Variants in LRRIQ4 observed in about 807,000 individuals in gnomAD.
LRRIQ4 encodes leucine rich repeats and IQ motif containing 4, also known as leucine-rich repeat and IQ domain-containing protein 4.
Under a neutral mutation model 40.1 loss-of-function variants are expected in LRRIQ4, and 21 were observed. The observed-to-expected ratio is 0.52, with a 90% CI of 0.37 to 0.75. The LOEUF (loss-of-function observed/expected upper bound fraction) is 0.75, where lower values mean the gene tolerates loss of function less well. Ranked by LOEUF, LRRIQ4 falls within the 30% of genes least tolerant of loss-of-function variation. The pLI, the probability that LRRIQ4 is intolerant of heterozygous loss-of-function variation, is 0.00. For missense variants in LRRIQ4, 655 were observed against 660.0 expected (o/e 0.99, Z 0.08); for synonymous variants, 277 against 277.1 (o/e 1.00, Z 0.00).
In LRRIQ4 at chr3:169,837,582, A is replaced by C; in HGVS notation, c.1634A>C (p.Lys545Thr). The C allele has an allele frequency of 2.5e-6, 4 of 1,594,300 alleles. No homozygotes were observed. Among genetic ancestry groups the C allele is most frequent in the Non-Finnish European group, 3.4e-6 (4 of 1,171,330 alleles). ...GGAAAGACCTCTCCAAAAGATAAGA[A>C]AGGAAAGAAGGATGTAAAAGGAAAA... ...KKGKTSPKDK[K>T]GKKDVKGKPG... Residue 545 changes from lysine (K) to threonine (T), a missense_variant, in exon 6 of 6, where the codon AAA becomes ACA. By Grantham distance (78) the Lys-to-Thr change is moderately conservative. Coordinates refer to ENST00000340806, the MANE Select transcript of LRRIQ4 (RefSeq NM_001080460.3).
At chr3:169,833,365 AT>A (rs1338236854) in intron 5 of LRRIQ4, among the ~76,000 whole-genome samples, 182 bp downstream of exon 5, 1 of 152,166 alleles carries the variant, frequency 6.6e-6, no homozygotes, top group Non-Finnish European at 1.5e-5. Context: ...CAGCCCTAGC[AT>A]TTTTGTCTTT....
At chr3:169,819,651 A>C (rs1779837939) in intron 1 of LRRIQ4, among the ~76,000 whole-genome samples, 2 of 152,238 alleles carry the variant, frequency 1.3e-5, no homozygotes, top group Non-Finnish European at 2.9e-5. Context: ...TGTTCTGAGA[A>C]GAGCCCTTTT....
chr3:169,822,999 A>C, intron 2 of LRRIQ4, 58 bp downstream of exon 2: 1 of 1,423,626 alleles, frequency 7.0e-7, no homozygotes, highest in South Asian at 1.6e-5. Context: ...TCCTGCCCTA[A>C]GTTGGTTCTG....
chr3:169,830,482 G>C lies in LRRIQ4; in HGVS notation c.1195-10G>C. The stretch of plus-strand genomic sequence containing the variant: ...AGGTATATTATTATGGTACACTCAT[G>C]TTATTTCAGAGTCTCAAAGAGCTAT... On this transcript the variant is annotated splice_polypyrimidine_tract_variant and intron_variant, in intron 3 of 5. Coordinates refer to ENST00000340806, the MANE Select transcript of LRRIQ4 (RefSeq NM_001080460.3). The C allele has an allele frequency of 6.7e-7, 1 of 1,493,214 alleles. No homozygotes were observed. Among genetic ancestry groups the C allele is most frequent in the Non-Finnish European group, 9.0e-7 (1 of 1,105,784 alleles). The allele number at this position is 1,493,214 out of a possible 1,614,324, so 92.5% of individuals were successfully genotyped here. A position where few individuals can be genotyped will look rare whatever the true frequency, so the allele number is the denominator to read the frequency against.
intron 1 of LRRIQ4, among the ~76,000 whole-genome samples, chr3:169,813,930 G>A (rs1009400361): frequency 7.9e-5 from 12 of 152,124 alleles, no homozygotes; most frequent in African/African-American, 2.7e-4. Flanking sequence ...GGGCACGTGG[G>A]CTCCGAACTC....
rs551199395 is a variant in LRRIQ4, at chr3:169,828,525, C to T, written c.1021-234C>T. Among the ~76,000 whole-genome samples, 5 of 152,302 alleles carry T rather than the reference C, an allele frequency of 3.3e-5. 1 individual carries two copies. The highest frequency in any genetic ancestry group is 9.6e-5 in the African/African-American group (4 of 41,574). ...CTGGGATTAAAGGCATAAACCACCG[C>T]GCCCAGCCACAAAAAATTGCTCCAG... On this transcript the variant is annotated intron_variant, in intron 2 of 5. Coordinates refer to ENST00000340806, the MANE Select transcript of LRRIQ4 (RefSeq NM_001080460.3).
chr3:169,830,377 G>GAAAAAAACAAAAAAAAAAAAAAAAA (rs1780136039), intron 3 of LRRIQ4, 115 bp from the exon 4 acceptor site: 1 of 103,278 alleles, frequency 9.7e-6, no homozygotes, highest in Non-Finnish European at 1.6e-5. Flanking sequence ...CACTGAAAGT[G>GAAAAAAACAAAAAAAAAAAAAAAAA]AAAAAAAAAA....
At chr3:169,819,165 G>T (rs553034584) in intron 1 of LRRIQ4, among the ~76,000 whole-genome samples, 1 of 152,092 alleles carries the variant, frequency 6.6e-6, no homozygotes, top group African/African-American at 2.4e-5. Flanking sequence ...AGAAAAAATG[G>T]CCAATAAAGA....
chr3:169,828,804 C>A lies in LRRIQ4; in HGVS notation c.1066C>A (p.Leu356Ile), dbSNP rs1780098600. The part of the protein sequence containing the change: ...GSLSKLKILG[L>I]TGNEFLSFPE... ...ACTTTCAAAACTGAAGATACTTGGA[C>A]TAACAGGAAATGAGTTCCTTTCCTT... The change falls in exon 3 of 6, where the codon CTA (leucine) becomes ATA (isoleucine). Residue 356 changes from leucine (L) to isoleucine (I), a missense_variant. Transcript: ENST00000340806. The A allele has an allele frequency of 6.2e-7, 1 of 1,613,582 alleles. No homozygotes were observed.
intron 2 of LRRIQ4, among the ~76,000 whole-genome samples, chr3:169,826,441 A>G (rs1050242475): frequency 3.9e-5 from 6 of 152,096 alleles, no homozygotes; most frequent in Admixed American, 3.9e-4. Context: ...ACAATGTACC[A>G]GATCCCAAAA....
chr3:169,821,405 C>A (rs1353619830), intron 1 of LRRIQ4, among the ~76,000 whole-genome samples: 1 of 152,046 alleles, frequency 6.6e-6, no homozygotes, highest in Non-Finnish European at 1.5e-5. Flanking sequence ...GAGGCCAAGG[C>A]GGGTGGACCT....
At chr3:169,836,618 C>T (rs1447198621) in intron 5 of LRRIQ4, among the ~76,000 whole-genome samples, 1 of 152,176 alleles carries the variant, frequency 6.6e-6, no homozygotes, top group Non-Finnish European at 1.5e-5. Flanking sequence ...CCTCAAAGCC[C>T]CTTCTCCAAA....
At chr3:169,817,148 T>A (rs1285036399) in intron 1 of LRRIQ4, among the ~76,000 whole-genome samples, 1 of 152,226 alleles carries the variant, frequency 6.6e-6, no homozygotes, top group Non-Finnish European at 1.5e-5. Flanking sequence ...CATTTTAATT[T>A]GTTTCAATAA....
chr3:169,830,766 G>A (rs373253659), intron 4 of LRRIQ4, 136 bp downstream of exon 4: 2 of 1,074,602 alleles, frequency 1.9e-6, no homozygotes, highest in Non-Finnish European at 1.3e-6. Context: ...TCCTTGCAGG[G>A]CTCACTTAGC....
In LRRIQ4 at chr3:169,822,225, AG is replaced by A; in HGVS notation, c.305del (p.Ser102ThrfsTer29). The A allele has an allele frequency of 6.2e-7, 1 of 1,603,690 alleles. No homozygotes were observed. Among genetic ancestry groups the A allele is most frequent in the Non-Finnish European group, 8.5e-7 (1 of 1,176,352 alleles). ...GAGCAGCCTGGAGAGCCTGGACCTGAGCTACAACCCCATCTTCTCCTCCTCC... is the reference window on the plus strand; with the variant it reads ...GAGCAGCCTGGAGAGCCTGGACCTGACTACAACCCCATCTTCTCCTCCTCC... ...LLSSLESLDL[S>X]YNPIFSSSLV... On this transcript the variant is annotated frameshift_variant, in exon 2 of 6. Transcript: ENST00000340806. LOFTEE classifies it high-confidence loss of function.
intron 3 of LRRIQ4, among the ~76,000 whole-genome samples, chr3:169,829,834 G>T (rs1457581145): frequency 6.6e-6 from 1 of 152,100 alleles, no homozygotes; most frequent in East Asian, 1.9e-4. Flanking sequence ...AGTAGGCGTG[G>T]GCCACCACAT....
chr3:169,827,172 G>C (rs1780056780), intron 2 of LRRIQ4, among the ~76,000 whole-genome samples: 1 of 152,146 alleles, frequency 6.6e-6, no homozygotes, highest in African/African-American at 2.4e-5. Context: ...TGTGGGGAAG[G>C]ATTTCCCAGT....
In LRRIQ4 at chr3:169,822,696, A is replaced by T; in HGVS notation, c.775A>T (p.Met259Leu). The T allele has an allele frequency of 6.2e-7, 1 of 1,613,994 alleles. No homozygotes were observed. The highest frequency in any genetic ancestry group is 8.5e-7 in the Non-Finnish European group (1 of 1,179,898). Residue 259 changes from methionine to leucine, a missense_variant, in exon 2 of 6, where the codon ATG (methionine) becomes TTG (leucine). Met to Leu is a conservative substitution (Grantham distance 15). Transcript: ENST00000340806. The stretch of plus-strand genomic sequence containing the variant: ...GAAGAGCTTCGCCGAGCTCAGGAAG[A>T]TGACGGAAATCGGGCTGAGCGGGAA... ...IPKSFAELRK[M>L]TEIGLSGNRL...
intron 3 of LRRIQ4, 136 bp from the exon 4 acceptor site, chr3:169,830,355 GC>G (rs1780133363): frequency 1.9e-6 from 1 of 537,360 alleles, no homozygotes; most frequent in Non-Finnish European, 2.8e-6. Flanking sequence ...TTAACTCAAT[GC>G]GTAATTTCCC....
Sources: gnomAD v4.1 joint callset for allele counts (sites outside exome capture counted in the v4.1 genomes callset) on GRCh38, gnomAD v4.1.1 for gene constraint, MANE v1.5 for transcripts, NCBI Gene and HGNC (gene_info 2026-07-23, HGNC 2026-07-21) for gene names.